The following SLC4A5 variants were observed in gnomAD, a reference collection of about 807,000 sequenced individuals.
SLC4A5 encodes the protein electrogenic sodium bicarbonate cotransporter 4.
Under a neutral mutation model 120.4 loss-of-function variants are expected in SLC4A5, and 96 were observed. The observed-to-expected ratio is 0.80, with a 90% CI of 0.68 to 0.94. The LOEUF (loss-of-function observed/expected upper bound fraction) is 0.94, where lower values mean the gene tolerates loss of function less well. Among genes scored for constraint, SLC4A5 ranks in the 40% least tolerant of loss-of-function variants. The pLI, the probability that SLC4A5 is intolerant of heterozygous loss-of-function variation, is 0.00. For synonymous variants in SLC4A5, 550 were observed against 571.1 expected, an observed-to-expected ratio of 0.96 and a Z score of 0.53; for missense variants, 1,259 against 1,459.5, an observed-to-expected ratio of 0.86 and a Z score of 2.24.
chr2:74,315,784 G>A (rs1039356542), intron 5 of SLC4A5, among the ~76,000 whole-genome samples: 3 of 151,730 alleles, frequency 2.0e-5, no homozygotes, highest in African/African-American at 7.3e-5. Flanking sequence ...GTGACAGAGT[G>A]AGACTCTATC....
chr2:74,322,277 G>A (rs1026699873), intron 5 of SLC4A5, among the ~76,000 whole-genome samples: 3 of 151,970 alleles, frequency 2.0e-5, no homozygotes, highest in African/African-American at 7.2e-5. Context: ...CATAATGGAT[G>A]ACTATGGACA....
intron 27 of SLC4A5, among the ~76,000 whole-genome samples, chr2:74,226,297 C>G (rs2103886868): frequency 6.6e-6 from 1 of 152,306 alleles, no homozygotes; most frequent in Admixed American, 6.5e-5. Context: ...CAGGCATTTG[C>G]TGACACACTC....
At chr2:74,317,009 T>C (rs1255201574) in intron 5 of SLC4A5, among the ~76,000 whole-genome samples, 1 of 152,276 alleles carries the variant, frequency 6.6e-6, no homozygotes, top group East Asian at 1.9e-4. Context: ...GTAATATGCA[T>C]GTTTGTTCAA....
At position 74,279,327 on chromosome 2, in the gene SLC4A5, C is replaced by T. The variant is rs187211464; in HGVS notation, c.401+6446G>A. Among the ~76,000 whole-genome samples, 381 of 152,308 alleles carry T rather than the reference C, an allele frequency of 2.5e-3. 4 individuals are homozygous for T. Among genetic ancestry groups the T allele is most frequent in the African/African-American group, 8.7e-3 (360 of 41,572 alleles). ...CGGGAGTAGGTCCATCCTGCGGATG[C>T]GCTTCAGTTCTTGCGGTACTTCTTA... On this transcript the variant is annotated intron_variant, in intron 8 of 30. Transcript: ENST00000394019.
At chr2:74,316,149 A>G (rs557301168) in intron 5 of SLC4A5, among the ~76,000 whole-genome samples, 1 of 152,140 alleles carries the variant, frequency 6.6e-6, no homozygotes, top group African/African-American at 2.4e-5. Flanking sequence ...CTCAGCCACA[A>G]GGCTAATACA....
At chr2:74,249,187 G>C (rs988668349) in intron 17 of SLC4A5, among the ~76,000 whole-genome samples, 1 of 152,176 alleles carries the variant, frequency 6.6e-6, no homozygotes, top group Admixed American at 6.5e-5. Context: ...GGTGAAAATT[G>C]TCCCTGGTTG....
chr2:74,252,154 T>A (rs1391765049), intron 16 of SLC4A5, 25 bp downstream of exon 16: 1 of 1,607,822 alleles, frequency 6.2e-7, no homozygotes, highest in Non-Finnish European at 8.5e-7. Flanking sequence ...GACAGCAGGG[T>A]CACTGGGAGG....
chr2:74,240,493 G>A (rs959689916), intron 20 of SLC4A5, among the ~76,000 whole-genome samples: 1 of 152,128 alleles, frequency 6.6e-6, no homozygotes, highest in Non-Finnish European at 1.5e-5. Flanking sequence ...CAGTGCACAT[G>A]GCCCCTTGCA....
chr2:74,292,854 C>T (rs72622645), intron 7 of SLC4A5, among the ~76,000 whole-genome samples: 12,808 of 152,156 alleles, frequency 0.084, 1,175 homozygotes, highest in East Asian at 0.39. Context: ...TCATCGGCTC[C>T]CTGATGGGTG....
intron 8 of SLC4A5, among the ~76,000 whole-genome samples, chr2:74,273,113 C>T (rs964209840): frequency 6.6e-6 from 1 of 152,164 alleles, no homozygotes; most frequent in Non-Finnish European, 1.5e-5. Context: ...GACAATCAGA[C>T]ATCAATATTT....
chr2:74,289,537 G>A (rs1007972076), intron 7 of SLC4A5, among the ~76,000 whole-genome samples: 5 of 152,034 alleles, frequency 3.3e-5, no homozygotes, highest in African/African-American at 4.8e-5. Context: ...GGCTGGTCTC[G>A]AACTCCTGAG....
At chr2:74,275,329 T>C (rs1487096485) in intron 8 of SLC4A5, among the ~76,000 whole-genome samples, 1 of 152,250 alleles carries the variant, frequency 6.6e-6, no homozygotes, top group Non-Finnish European at 1.5e-5. Context: ...TAAGTGAATG[T>C]CATCAGACAA....
intron 6 of SLC4A5, among the ~76,000 whole-genome samples, chr2:74,308,476 A>G (rs1672715083): frequency 6.6e-6 from 1 of 152,200 alleles, no homozygotes; most frequent in Non-Finnish European, 1.5e-5. Flanking sequence ...CTGACATATG[A>G]CATTTAGAAT....
intron 21 of SLC4A5, among the ~76,000 whole-genome samples, chr2:74,237,715 C>T (rs75257258): frequency 0.014 from 2,140 of 152,110 alleles, 21 homozygotes; most frequent in Non-Finnish European, 0.017. Context: ...CCGAGTACCC[C>T]CCACCCCACG....
intron 20 of SLC4A5, among the ~76,000 whole-genome samples, chr2:74,240,734 C>T (rs114463137): frequency 0.01 from 1,557 of 149,856 alleles, 26 homozygotes; most frequent in African/African-American, 0.037. Flanking sequence ...CACACCACTA[C>T]ATTCCAGCCT....
chr2:74,254,768 G>A, intron 13 of SLC4A5, 62 bp from the exon 14 acceptor site: 1 of 1,251,670 alleles, frequency 8.0e-7, no homozygotes, highest in Non-Finnish European at 1.2e-6. Flanking sequence ...AAAGTGAGAA[G>A]GAAAAACAGA....
intron 18 of SLC4A5, 139 bp downstream of exon 18, chr2:74,248,214 G>T: frequency 8.4e-7 from 1 of 1,192,376 alleles, no homozygotes; most frequent in Non-Finnish European, 1.2e-6. Flanking sequence ...GGGGCCACCT[G>T]GTAGCCCTTC....
chr2:74,283,522 T>C (rs992402586), intron 8 of SLC4A5, among the ~76,000 whole-genome samples: 4 of 152,082 alleles, frequency 2.6e-5, no homozygotes, highest in Non-Finnish European at 5.9e-5. Context: ...TCCAGATACA[T>C]GGTACGTGGA....
chr2:74,243,174 A>G (rs1670500521), intron 19 of SLC4A5, among the ~76,000 whole-genome samples: 2 of 152,202 alleles, frequency 1.3e-5, no homozygotes, highest in Non-Finnish European at 2.9e-5. Context: ...TGTGGATCAC[A>G]TGACGGTCTA....
Sources: allele counts gnomAD v4.1 joint callset (sites outside exome capture counted in the v4.1 genomes callset), GRCh38; gene constraint gnomAD v4.1.1; transcripts MANE v1.5; gene names NCBI Gene and HGNC (gene_info 2026-07-23, HGNC 2026-07-21).